TFPI2: variants seen among roughly 807,000 people sequenced by gnomAD.
TFPI2 encodes the protein placental protein 5.
Under a neutral mutation model 23.1 loss-of-function variants are expected in TFPI2, and 23 were observed. That is an observed-to-expected ratio of 1.00 (90% CI 0.72 to 1.41). The LOEUF (loss-of-function observed/expected upper bound fraction) is 1.41, where lower values mean the gene tolerates loss of function less well. Ranked by LOEUF, TFPI2 falls within the 40% of genes most tolerant of loss-of-function variation. The probability of loss-of-function intolerance (pLI) is 0.00; values close to 1 mark genes in which losing one functional copy is unlikely to be tolerated. For synonymous variants in TFPI2, 119 were observed against 111.7 expected, an observed-to-expected ratio of 1.07 and a Z score of -0.41; for missense variants, 291 against 299.6, an observed-to-expected ratio of 0.97 and a Z score of 0.21.
chr7:93,889,122 A>G lies in TFPI2; in HGVS notation c.373T>C (p.Phe125Leu). 1 of 1,613,376 alleles carries G rather than the reference A, an allele frequency of 6.2e-7. No individual in the cohort carries two copies. The highest frequency in any genetic ancestry group is 8.5e-7 in the Non-Finnish European group (1 of 1,179,780). ...TTCCGGTGACACCCACCGGAAAAGA[A>G]TTTTTCACATGTCATGGAACTTAGA... ...FNLSSMTCEK[F>L]FSGGCHRNRI... Residue 125 changes from phenylalanine (F) to leucine (L), a missense_variant, in exon 3 of 5, where the codon TTC becomes CTC. Coordinates refer to ENST00000222543, the MANE Select transcript of TFPI2 (RefSeq NM_006528.4).
In TFPI2 at chr7:93,890,126, A is replaced by T. The variant is rs1156668661; in HGVS notation, c.271+11T>A. 6 of 1,581,996 alleles carry T rather than the reference A, an allele frequency of 3.8e-6. No homozygotes were observed. The highest frequency in any genetic ancestry group is 5.2e-6 in the Non-Finnish European group (6 of 1,157,422). On this transcript the variant is annotated intron_variant, in intron 2 of 4. Transcript: ENST00000222543. The stretch of plus-strand genomic sequence containing the variant: ...GAGCGCGAGAGTCCTGGGTGCGCGC[A>T]GGGCACTTACTTTCTATCCTCCAGC...
At chr7:93,888,500 GAAAGAAAGAAAGA>G (rs1356599866) in intron 3 of TFPI2, among the ~76,000 whole-genome samples, 1 of 117,742 alleles carries the variant, frequency 8.5e-6, no homozygotes, top group Non-Finnish European at 1.8e-5. Context: ...AAAGAAAAAA[GAAAGAAAGAAAGA>G]AAAGAAAGAA....
At chr7:93,888,775 C>G (rs113751229) in intron 3 of TFPI2, among the ~76,000 whole-genome samples, 151 of 152,054 alleles carry the variant, frequency 9.9e-4, no homozygotes, top group African/African-American at 3.4e-3. Context: ...TGCAGAGAGC[C>G]GAGATTGTGC....
chr7:93,886,616 A>G lies in TFPI2; in HGVS notation c.*204T>C. On this transcript the variant is annotated 3_prime_UTR_variant, in exon 5 of 5. Coordinates refer to ENST00000222543, the MANE Select transcript of TFPI2 (RefSeq NM_006528.4). Reference sequence around the variant, plus strand: ...TCAGTCTCACAAACAGTTGAACCATAAATTAAAAATGGTAGACTCACATTT... The same window carrying G: ...TCAGTCTCACAAACAGTTGAACCATGAATTAAAAATGGTAGACTCACATTT... 1 of 449,894 alleles carries G rather than the reference A, an allele frequency of 2.2e-6. No homozygotes were observed. Among genetic ancestry groups the G allele is most frequent in the Non-Finnish European group, 3.9e-6 (1 of 258,624 alleles). 27.9% of individuals were successfully genotyped at this position (449,894 alleles called of 1,614,324 possible).
rs897804159 is a variant in TFPI2, at chr7:93,890,700, C to A, written c.-22G>T. On this transcript the variant is annotated 5_prime_UTR_variant, in exon 1 of 5. Transcript: ENST00000222543. ...CCATGGTGCAGGGGGTCGGGCGGCC[C>A]GCTGGGCAAGGCGTCCGAGAAAGCG... The A allele has an allele frequency of 2.5e-6, 4 of 1,598,954 alleles. No individual in the cohort carries two copies. Among genetic ancestry groups the A allele is most frequent in the Admixed American group, 1.7e-5 (1 of 58,506 alleles).
chr7:93,890,125 C>T lies in TFPI2; in HGVS notation c.271+12G>A. 6.3e-7 allele frequency: 1 copy of T among 1,580,752 alleles called. No homozygotes were observed. The highest frequency in any genetic ancestry group is 8.6e-7 in the Non-Finnish European group (1 of 1,156,774). ...GGAGCGCGAGAGTCCTGGGTGCGCG[C>T]AGGGCACTTACTTTCTATCCTCCAG... is the stretch of plus-strand genomic sequence containing the variant. On this transcript the variant is annotated intron_variant, in intron 2 of 4. Coordinates refer to ENST00000222543, the MANE Select transcript of TFPI2 (RefSeq NM_006528.4).
chr7:93,890,617 A>AGTGCAGC lies in TFPI2; in HGVS notation c.55_61dup (p.Leu21ArgfsTer14). The AGTGCAGC allele has an allele frequency of 6.2e-7, 1 of 1,613,460 alleles. No homozygotes were observed. Among genetic ancestry groups the AGTGCAGC allele is most frequent in the South Asian group, 1.1e-5 (1 of 91,070 alleles). On this transcript the variant is annotated frameshift_variant, in exon 1 of 5. Transcript: ENST00000222543. LOFTEE classifies it high-confidence loss of function. ...TGTTGGCTCCTGAGCAGCATCGCCC[A>AGTGCAGC]GTGCAGCCTCCGTCAGGAAAAGCAG...
At chr7:93,888,995 C>A (rs1189157462) in intron 3 of TFPI2, 40 bp downstream of exon 3, 2 of 1,553,880 alleles carry the variant, frequency 1.3e-6, no homozygotes, top group Non-Finnish European at 1.7e-6. Context: ...AATGTCTTTT[C>A]AAAAAAGTGA....
Position 93,886,809 on chromosome 7 carries a change from A to G in TFPI2, c.*11T>C. The G allele has an allele frequency of 6.5e-7, 1 of 1,535,378 alleles. No homozygotes were observed. Among genetic ancestry groups the G allele is most frequent in the Non-Finnish European group, 8.7e-7 (1 of 1,145,466 alleles). On this transcript the variant is annotated 3_prime_UTR_variant, in exon 5 of 5. Transcript: ENST00000222543. ...GCCATAAAGACAAACAAGATGACAT[A>G]TTAAGAATGTTTAAAATTGCTTCTT... is the stretch of plus-strand genomic sequence containing the variant.
Position 93,887,380 on chromosome 7 carries a change from AC to A in TFPI2, c.511del (p.Val171Ter). On this transcript the variant is annotated frameshift_variant, in exon 4 of 5. Transcript: ENST00000222543. LOFTEE classifies it high-confidence loss of function. Reference sequence around the variant, plus strand: ...TCTTGGATTAAAATAATAGCGAGTCACATTGGCAGAGCACAGTCCCTCATCT... The same window carrying A: ...TCTTGGATTAAAATAATAGCGAGTCAATTGGCAGAGCACAGTCCCTCATCT... ...PKDEGLCSAN[V>X]TRYYFNPRYR... is the part of the protein sequence containing the mutation. 6.2e-7 allele frequency: 1 copy of A among 1,613,850 alleles called. No homozygotes were observed. The highest frequency in any genetic ancestry group is 8.5e-7 in the Non-Finnish European group (1 of 1,179,820).
At position 93,890,142 on chromosome 7, in the gene TFPI2, ATCC is replaced by A; in HGVS notation, c.263_265del (p.Arg88del). On this transcript the variant is annotated inframe_deletion, in exon 2 of 5. Transcript: ENST00000222543. ...GGTGCGCGCAGGGCACTTACTTTCTATCCTCCAGCAAGCATCGTCGCAAGCCTC... is the reference window on the plus strand; with the variant it reads ...GGTGCGCGCAGGGCACTTACTTTCTATCCAGCAAGCATCGTCGCAAGCCTC... 1 of 1,600,162 alleles carries A rather than the reference ATCC, an allele frequency of 6.2e-7. No individual in the cohort carries two copies. Among genetic ancestry groups the A allele is most frequent in the Non-Finnish European group, 8.5e-7 (1 of 1,169,774 alleles).
rs1017944085 is a variant in TFPI2 at position 93,886,311 on chromosome 7, TATTC to T, written c.*505_*508del. On this transcript the variant is annotated 3_prime_UTR_variant, in exon 5 of 5. Transcript: ENST00000222543. ...TTAAGATCTTTTAAATAAATCCCCTTATTCATTCATTGTACTGCAATCTAACACA... is the reference window on the plus strand; with the variant it reads ...TTAAGATCTTTTAAATAAATCCCCTTATTCATTGTACTGCAATCTAACACA... 2.0e-5 allele frequency: 3 copies of T among 152,158 alleles called. No individual in the cohort carries two copies. The highest frequency in any genetic ancestry group is 6.5e-5 in the Admixed American group (1 of 15,272). The allele number at this position is 152,158 out of a possible 1,614,324, so 9.4% of individuals were successfully genotyped here. A position where few individuals can be genotyped will look rare whatever the true frequency, so the allele number is the denominator to read the frequency against.
chr7:93,886,684 A>G lies in TFPI2; in HGVS notation c.*136T>C. 1.6e-6 allele frequency: 1 copy of G among 624,772 alleles called. No homozygotes were observed. Among genetic ancestry groups the G allele is most frequent in the Non-Finnish European group, 2.6e-6 (1 of 382,012 alleles). The allele number at this position is 624,772 out of a possible 1,614,324, so 38.7% of individuals were successfully genotyped here. ...ATATAAAAAAATCCAAATTTTTTAA[A>G]AAGTGACTTGTATTAATAAAAACTG... On this transcript the variant is annotated 3_prime_UTR_variant, in exon 5 of 5. Coordinates refer to ENST00000222543, the MANE Select transcript of TFPI2 (RefSeq NM_006528.4).
Position 93,890,624 on chromosome 7 carries a change from C to G in TFPI2, c.55G>C (p.Ala19Pro). The G allele has an allele frequency of 6.2e-7, 1 of 1,613,532 alleles. No individual in the cohort carries two copies. Among genetic ancestry groups the G allele is most frequent in the East Asian group, 2.2e-5 (1 of 44,854 alleles). The change falls in exon 1 of 5, where the codon GCT (alanine) becomes CCT (proline). Residue 19 changes from alanine (A) to proline (P), a missense_variant. Ala to Pro is a conservative substitution (Grantham distance 27). Coordinates refer to ENST00000222543, the MANE Select transcript of TFPI2 (RefSeq NM_006528.4). ...TCCTGAGCAGCATCGCCCAGTGCAG[C>G]CTCCGTCAGGAAAAGCAGCAGAATC... The part of the protein sequence containing the change: ...LSILLLFLTE[A>P]ALGDAAQEPT...
Position 93,887,330 on chromosome 7 carries a change from AG to A in TFPI2, c.561del (p.Tyr188IlefsTer25), listed in dbSNP as rs775109625. ...TTGTCATTCCCTCCACAGCCAGTAT[AG>A]GTGAAAGCATCACAGGTTCTGTATC... ...NPRYRTCDAF[T>X]YTGCGGNDNN... On this transcript the variant is annotated frameshift_variant, in exon 4 of 5. Transcript: ENST00000222543. LOFTEE classifies it high-confidence loss of function. The A allele has an allele frequency of 6.4e-5, 104 of 1,613,782 alleles. No homozygotes were observed. The highest frequency in any genetic ancestry group is 3.3e-4 in the Middle Eastern group (2 of 6,080).
intron 3 of TFPI2, among the ~76,000 whole-genome samples, chr7:93,888,232 C>T (rs187507825): frequency 6.6e-6 from 1 of 152,290 alleles, no homozygotes; most frequent in East Asian, 1.9e-4. Flanking sequence ...TCAAGTTTCA[C>T]CATCTTAATT....
chr7:93,890,202 C>T lies in TFPI2; in HGVS notation c.206G>A (p.Cys69Tyr). The T allele has an allele frequency of 6.2e-7, 1 of 1,613,738 alleles. No individual in the cohort carries two copies. The highest frequency in any genetic ancestry group is 1.3e-5 in the African/African-American group (1 of 75,052). ...QSCRQFLYGG[C>Y]EGNANNFYTW... ...GTAGAAATTGTTGGCGTTGCCCTCG[C>T]AGCCCCCGTACAGGAACTGGCGGCA... Residue 69 changes from cysteine (C) to tyrosine (Y), a missense_variant, in exon 2 of 5, where the codon TGC becomes TAC. Physicochemically the swap from Cys to Tyr is radical, Grantham distance 194. Transcript: ENST00000222543.
At chr7:93,889,883 G>A (rs1050517747) in intron 2 of TFPI2, 2 of 387,674 alleles carry the variant, frequency 5.2e-6, no homozygotes, top group African/African-American at 4.1e-5. Context: ...ACCCCATGGT[G>A]AGGGAACAAA....
At chr7:93,888,607 G>GAAAGAAAGAA (rs1247111128) in intron 3 of TFPI2, among the ~76,000 whole-genome samples, 3 of 140,368 alleles carry the variant, frequency 2.1e-5, no homozygotes, top group African/African-American at 8.5e-5. Flanking sequence ...AAGAAAGAAA[G>GAAAGAAAGAA]AGAAAAAGAA....
Sources: gnomAD v4.1 joint callset for allele counts (sites outside exome capture counted in the v4.1 genomes callset) on GRCh38, gnomAD v4.1.1 for gene constraint, MANE v1.5 for transcripts, NCBI Gene and HGNC (gene_info 2026-07-23, HGNC 2026-07-21) for gene names.